The following HRH1 variants were observed in gnomAD, a reference collection of about 807,000 sequenced individuals.
HRH1 encodes the protein histamine receptor H1.
Under a neutral mutation model 10.3 loss-of-function variants are expected in HRH1, and 6 were observed. That is an observed-to-expected ratio of 0.58 (90% CI 0.32 to 1.15). The LOEUF (loss-of-function observed/expected upper bound fraction) is 1.15. HRH1 is among the 50% of genes most tolerant of loss of function. The pLI is 0.05. For missense variants in HRH1, 514 were observed against 615.3 expected (o/e 0.84, Z 1.74); for synonymous variants, 242 against 236.7 (o/e 1.02, Z -0.21).
chr3:11,254,158 T>C (rs1335525172), intron 1 of HRH1, among the ~76,000 whole-genome samples: 3 of 151,940 alleles, frequency 2.0e-5, no homozygotes, highest in Non-Finnish European at 4.4e-5. Context: ...GGAGAAAGAG[T>C]TTTTCCCTGA....
upstream of HRH1, among the ~76,000 whole-genome samples, chr3:11,154,255 G>T (rs2125004553): frequency 1.3e-5 from 2 of 152,176 alleles, no homozygotes; most frequent in African/African-American, 4.8e-5. This position sits in a 1 kb window ranked among gnomAD's most constrained non-coding sequence, Gnocchi z 4.4. Context: ...AGCGGGAGCA[G>T]CTCCAAACCT....
chr3:11,214,841 A>T (rs1298140190), intron 1 of HRH1, among the ~76,000 whole-genome samples: 1 of 152,204 alleles, frequency 6.6e-6, no homozygotes, highest in East Asian at 1.9e-4. Context: ...TTCTGATACT[A>T]CAGTGTGGAT....
chr3:11,208,564 G>T (rs1938218116), intron 1 of HRH1, among the ~76,000 whole-genome samples: 2 of 152,166 alleles, frequency 1.3e-5, no homozygotes, highest in African/African-American at 4.8e-5. Context: ...CCAAGATAAA[G>T]CCACTGTGAA....
chr3:11,143,851 T>C (rs1936347477), intron 1 of HRH1, among the ~76,000 whole-genome samples: 1 of 152,182 alleles, frequency 6.6e-6, no homozygotes, highest in African/African-American at 2.4e-5. Flanking sequence ...TCAAGCCGGA[T>C]CTTTTTTAGG....
chr3:11,222,757 C>G (rs373135878), intron 1 of HRH1, among the ~76,000 whole-genome samples: 2 of 152,148 alleles, frequency 1.3e-5, no homozygotes, highest in African/African-American at 4.8e-5. Flanking sequence ...GAAACATAAA[C>G]TCTCCATCCT....
At chr3:11,224,426 G>A (rs534827996) in intron 1 of HRH1, among the ~76,000 whole-genome samples, 4 of 152,274 alleles carry the variant, frequency 2.6e-5, no homozygotes, top group South Asian at 4.1e-4. Context: ...GGCCGGGCGC[G>A]GTGGCTCACG....
At position 11,154,567 on chromosome 3, in the gene HRH1, G is replaced by T. The variant is rs1242142718; in HGVS notation, c.-36+13G>T. The stretch of plus-strand genomic sequence containing the variant: ...GGAGCCGGCGCCGGTGAGTCGCAGC[G>T]GGGCGCGGGCTTGGGCGGGAGCGGG... On this transcript the variant is annotated intron_variant, in intron 1 of 1. Coordinates refer to ENST00000431010, the MANE Select transcript of HRH1 (RefSeq NM_001098212.2). The surrounding 1 kb of genome is among the most constrained non-coding windows in gnomAD (Gnocchi z 4.4). 1 of 151,168 alleles carries T rather than the reference G, an allele frequency of 6.6e-6. No individual in the cohort carries two copies. The highest frequency in any genetic ancestry group is 2.4e-5 in the African/African-American group (1 of 41,326). The allele number at this position is 151,168 out of a possible 1,614,324, so 9.4% of individuals were successfully genotyped here.
At chr3:11,256,274 C>T (rs1406898958) in intron 1 of HRH1, among the ~76,000 whole-genome samples, 2 of 151,984 alleles carry the variant, frequency 1.3e-5, no homozygotes, top group Admixed American at 6.6e-5. Context: ...CAAAAAATAC[C>T]GCTGTAAGAA....
chr3:11,234,202 T>C, intron 1 of HRH1: 1 of 1,169,458 alleles, frequency 8.6e-7, no homozygotes, highest in Non-Finnish European at 1.2e-6. Context: ...CAAGGTCTTT[T>C]GCAAAAGGTC....
intron 1 of HRH1, among the ~76,000 whole-genome samples, chr3:11,208,336 T>C (rs1378211664): frequency 6.6e-6 from 1 of 152,088 alleles, no homozygotes; most frequent in Non-Finnish European, 1.5e-5. Flanking sequence ...TATTTTTTTG[T>C]AGAGACAGTT....
chr3:11,220,407 A>G (rs1007156332), intron 1 of HRH1, among the ~76,000 whole-genome samples: 1 of 152,182 alleles, frequency 6.6e-6, no homozygotes, highest in East Asian at 1.9e-4. Context: ...GCTGAGGTGC[A>G]GTGTCCTGTT....
rs116329708 is a variant in HRH1, at chr3:11,241,545, C to A, written c.-35-17458C>A. 7.8e-3 allele frequency among the ~76,000 whole-genome samples: 1,188 copies of A among 151,864 alleles called. 16 individuals carry two copies. Among genetic ancestry groups the A allele is most frequent in the African/African-American group, 0.027 (1,132 of 41,402 alleles). On this transcript the variant is annotated intron_variant, in intron 1 of 1. Transcript: ENST00000431010. The stretch of plus-strand genomic sequence containing the variant: ...GCTAGCAATGGGATTATAAAATGCA[C>A]CACTCAGGCTGGGCACGGTGGCTCA...
chr3:11,160,466 T>A (rs998643540), intron 1 of HRH1, among the ~76,000 whole-genome samples: 2 of 152,254 alleles, frequency 1.3e-5, no homozygotes, highest in Non-Finnish European at 2.9e-5. Flanking sequence ...TGGTTTCATA[T>A]TTTAGACTAA....
intron 1 of HRH1, among the ~76,000 whole-genome samples, chr3:11,170,824 G>A (rs1162396441): frequency 6.6e-6 from 1 of 152,208 alleles, no homozygotes; most frequent in Non-Finnish European, 1.5e-5. Context: ...AGGGCTTTCA[G>A]GCAGGAGGTA....
intron 1 of HRH1, among the ~76,000 whole-genome samples, chr3:11,187,880 T>A (rs1361222528): frequency 6.6e-6 from 1 of 152,250 alleles, no homozygotes; most frequent in Non-Finnish European, 1.5e-5. Flanking sequence ...TTGCATAAGG[T>A]TACATCAACT....
At chr3:11,235,811 G>A (rs1006521923) in intron 1 of HRH1, among the ~76,000 whole-genome samples, 1 of 152,242 alleles carries the variant, frequency 6.6e-6, no homozygotes, top group African/African-American at 2.4e-5. Flanking sequence ...CTGAAATAGA[G>A]CAGGTGTTGT....
At chr3:11,141,349 T>C (rs181014560) in intron 1 of HRH1, among the ~76,000 whole-genome samples, 1 of 152,386 alleles carries the variant, frequency 6.6e-6, no homozygotes, top group East Asian at 1.9e-4. Flanking sequence ...TGTTGCTGCA[T>C]AATGAATCAC....
intron 1 of HRH1, among the ~76,000 whole-genome samples, chr3:11,170,011 G>T (rs4684761): frequency 1.3e-5 from 2 of 151,964 alleles, no homozygotes; most frequent in African/African-American, 2.4e-5. Flanking sequence ...CACCTCCCTC[G>T]CTAGGAATGC....
chr3:11,140,493 C>T (rs1049040059), intron 1 of HRH1, among the ~76,000 whole-genome samples: 1 of 152,044 alleles, frequency 6.6e-6, no homozygotes, highest in Non-Finnish European at 1.5e-5. Flanking sequence ...ACCTCTTTGC[C>T]CTCGTACACC....
Sources: gnomAD v4.1 joint callset for allele counts (sites outside exome capture counted in the v4.1 genomes callset) on GRCh38, gnomAD v4.1.1 for gene constraint, Gnocchi (gnomAD v3.1) non-coding constraint, MANE v1.5 for transcripts, NCBI Gene and HGNC (gene_info 2026-07-23, HGNC 2026-07-21) for gene names.